NUGGC: variants seen among roughly 807,000 people sequenced by gnomAD.
The protein encoded by NUGGC is nuclear GTPase, germinal center associated.
NUGGC carries 58 observed loss-of-function variants against 92.6 expected under a neutral mutation model. That is an observed-to-expected ratio of 0.63 (90% confidence interval 0.51 to 0.78). The LOEUF (loss-of-function observed/expected upper bound fraction) is 0.78, where lower values mean the gene tolerates loss of function less well. Ranked by LOEUF, NUGGC falls within the 30% of genes least tolerant of loss-of-function variation. The probability of loss-of-function intolerance (pLI) is 0.00; values close to 1 mark genes in which losing one functional copy is unlikely to be tolerated. For missense variants in NUGGC, 925 were observed against 964.6 expected, an observed-to-expected ratio of 0.96 and a Z score of 0.54; for synonymous variants, 376 against 366.4, an observed-to-expected ratio of 1.03 and a Z score of -0.30.
chr8:28,035,303 G>A lies in NUGGC; in HGVS notation c.1612-1606C>T, dbSNP rs114647867. ...AACAAATTACCCCGAACATAGCGGT[G>A]CAGTGGCTTAAAAACAAACAGTAAA... On this transcript the variant is annotated intron_variant, in intron 13 of 18. Coordinates refer to ENST00000413272, the MANE Select transcript of NUGGC (RefSeq NM_001010906.2). 3.0e-3 allele frequency among the ~76,000 whole-genome samples: 451 copies of A among 152,286 alleles called. 10 individuals are homozygous for A. The highest frequency in any genetic ancestry group is 0.01 in the African/African-American group (432 of 41,568).
At chr8:28,072,087 G>A (rs746143030) in intron 2 of NUGGC, among the ~76,000 whole-genome samples, 5 of 152,244 alleles carry the variant, frequency 3.3e-5, no homozygotes, top group Middle Eastern at 3.4e-3. Flanking sequence ...CGCACACCCC[G>A]TAGAATATTC....
At chr8:28,035,098 C>T (rs540632228) in intron 13 of NUGGC, among the ~76,000 whole-genome samples, 9 of 152,236 alleles carry the variant, frequency 5.9e-5, no homozygotes, top group East Asian at 3.9e-4. Flanking sequence ...GTCCTGGAGA[C>T]GCTCGAAAAT....
At chr8:28,042,489 T>C (rs182816260) in intron 12 of NUGGC, among the ~76,000 whole-genome samples, 23 of 152,360 alleles carry the variant, frequency 1.5e-4, no homozygotes, top group Non-Finnish European at 2.2e-4. Flanking sequence ...GCTGATTTCA[T>C]CTTTGTTACT....
At position 28,022,362 on chromosome 8, in the gene NUGGC, G is replaced by A. The variant is rs1232056252; in HGVS notation, c.*955C>T. The A allele has an allele frequency of 6.6e-6, 1 of 151,588 alleles. No homozygotes were observed. Among genetic ancestry groups the A allele is most frequent in the East Asian group, 1.9e-4 (1 of 5,156 alleles). 9.4% of individuals were successfully genotyped at this position (151,588 alleles called of 1,614,324 possible). A position where few individuals can be genotyped will look rare whatever the true frequency, so the allele number is the denominator to read the frequency against. ...TTTAGTAGAGATGGGGTTTCACTGTGTTAGCCAGGATGGTCTCAATCTCCT... is the reference window on the plus strand; with the variant it reads ...TTTAGTAGAGATGGGGTTTCACTGTATTAGCCAGGATGGTCTCAATCTCCT... On this transcript the variant is annotated 3_prime_UTR_variant, in exon 19 of 19. Transcript: ENST00000413272.
At chr8:28,024,169 C>G (rs1421779295) in intron 18 of NUGGC, among the ~76,000 whole-genome samples, 1 of 151,856 alleles carries the variant, frequency 6.6e-6, no homozygotes, top group East Asian at 1.9e-4. Context: ...TACAGGCACC[C>G]ACCACCTCGC....
At position 28,064,585 on chromosome 8, in the gene NUGGC, G is replaced by A. The variant is rs772111643; in HGVS notation, c.858C>T (p.Val286=). ...CTGTGCCTGGGATGTCCACCAGCAC[G>A]ACCCCTTCTGGGATCAGGTCGGATT... ...LPKSDLIPEG[V]VLVDIPGTGD... The change falls in exon 7 of 19, where the codon GTC becomes GTT. Residue 286 remains valine (V), a synonymous_variant. Transcript: ENST00000413272. 1.3e-5 allele frequency: 21 copies of A among 1,613,882 alleles called. No homozygotes were observed. The highest frequency in any genetic ancestry group is 6.7e-5 in the African/African-American group (5 of 74,918).
intron 2 of NUGGC, among the ~76,000 whole-genome samples, chr8:28,073,412 G>C (rs1286785771): frequency 6.6e-6 from 1 of 152,026 alleles, no homozygotes; most frequent in Non-Finnish European, 1.5e-5. Context: ...TGCCTGCTCA[G>C]GCTTGCTTCA....
intron 7 of NUGGC, among the ~76,000 whole-genome samples, chr8:28,063,153 G>A (rs1022624779): frequency 3.9e-5 from 6 of 152,148 alleles, no homozygotes; most frequent in African/African-American, 4.8e-5. Context: ...CAACTGTGTC[G>A]TTCTCCCTGC....
chr8:28,047,418 T>C, intron 11 of NUGGC, 89 bp downstream of exon 11: 1 of 774,456 alleles, frequency 1.3e-6, no homozygotes, highest in South Asian at 1.8e-5. Context: ...ATTGTTTGTG[T>C]GGCACAAAAA....
At chr8:28,055,394 A>T (rs1810106994) in intron 10 of NUGGC, among the ~76,000 whole-genome samples, 1 of 152,126 alleles carries the variant, frequency 6.6e-6, no homozygotes, top group Non-Finnish European at 1.5e-5. Context: ...CCTCCACTGT[A>T]TGGAGAGCCC....
chr8:28,073,944 A>C (rs1395818864), intron 2 of NUGGC, among the ~76,000 whole-genome samples: 1 of 151,986 alleles, frequency 6.6e-6, no homozygotes, highest in African/African-American at 2.4e-5. Flanking sequence ...GACTACAGGC[A>C]CACACCACCA....
chr8:28,050,855 A>G (rs1368960963), intron 10 of NUGGC, among the ~76,000 whole-genome samples: 1 of 152,042 alleles, frequency 6.6e-6, no homozygotes, highest in Non-Finnish European at 1.5e-5. Flanking sequence ...AATCTACCTG[A>G]AATCAGTGAC....
intron 10 of NUGGC, 35 bp downstream of exon 10, chr8:28,055,926 GGGAT>G: frequency 1.7e-6 from 2 of 1,151,128 alleles, no homozygotes; most frequent in Non-Finnish European, 2.5e-6. Flanking sequence ...TCTAGTTGCT[GGGAT>G]ACAGAAAAAC....
Position 28,068,424 on chromosome 8 carries a change from G to T in NUGGC, c.272C>A (p.Ala91Asp). ...GTCCACTGTCGGCTTTTCAATCAAG[G>T]CAAGAAGCCTATTTCTGGATGAATT... is the stretch of plus-strand genomic sequence containing the variant. ...GVKYLINRLL[A>D]LIEKPTVDPI... Residue 91 changes from alanine to aspartate, a missense_variant, in exon 5 of 19, where the codon GCC becomes GAC. Ala to Asp is a moderately radical substitution (Grantham distance 126, BLOSUM62 -2). Coordinates refer to ENST00000413272, the MANE Select transcript of NUGGC (RefSeq NM_001010906.2). 1 of 1,567,374 alleles carries T rather than the reference G, an allele frequency of 6.4e-7. No individual in the cohort carries two copies. Among genetic ancestry groups the T allele is most frequent in the East Asian group, 2.3e-5 (1 of 42,818 alleles).
At chr8:28,048,550 A>T (rs984590519) in intron 10 of NUGGC, among the ~76,000 whole-genome samples, 1 of 152,178 alleles carries the variant, frequency 6.6e-6, no homozygotes, top group Non-Finnish European at 1.5e-5. Context: ...GTAATCATAC[A>T]CATTTTAATG....
chr8:28,027,101 A>C (rs764240361), intron 17 of NUGGC, 49 bp from the exon 18 acceptor site: 2 of 1,436,554 alleles, frequency 1.4e-6, no homozygotes, highest in South Asian at 2.3e-5. Flanking sequence ...GCCCAAGGAA[A>C]AGTGGATCTT....
chr8:28,067,368 T>C lies in NUGGC; in HGVS notation c.711+146A>G, dbSNP rs1810462317. 4.7e-6 allele frequency: 3 copies of C among 633,192 alleles called. No homozygotes were observed. The South Asian group carries it at 6.0e-5, about 13-fold the overall frequency. The allele number at this position is 633,192 out of a possible 1,614,324, so 39.2% of individuals were successfully genotyped here. ...GATAGCCATAAATAATGAGGATAAC[T>C]TGGGCTACGGATACTTCTAATTTGG... On this transcript the variant is annotated intron_variant, in intron 6 of 18. Transcript: ENST00000413272.
In NUGGC at chr8:28,041,166, A is replaced by G. The variant is rs1809688841; in HGVS notation, c.1496T>C (p.Val499Ala). The part of the protein sequence containing the change: ...SVLRRFAEEK[V>A]ELLEKAIAQC... Reference sequence around the variant, plus strand: ...TGCGATGGCCTTCTCCAGCAGCTCAACCTTCTCTTCCGCAAATCTCCGCAG... The same window carrying G: ...TGCGATGGCCTTCTCCAGCAGCTCAGCCTTCTCTTCCGCAAATCTCCGCAG... Residue 499 changes from valine to alanine, a missense_variant, in exon 13 of 19, where the codon GTT (valine) becomes GCT (alanine). Coordinates refer to ENST00000413272, the MANE Select transcript of NUGGC (RefSeq NM_001010906.2). 2.5e-6 allele frequency: 4 copies of G among 1,611,354 alleles called. No homozygotes were observed. Among genetic ancestry groups the G allele is most frequent in the Non-Finnish European group, 3.4e-6 (4 of 1,178,988 alleles).
chr8:28,043,511 T>C (rs1563219018), intron 12 of NUGGC, among the ~76,000 whole-genome samples: 1 of 152,208 alleles, frequency 6.6e-6, no homozygotes, highest in East Asian at 1.9e-4. Flanking sequence ...GACCAATACC[T>C]AAGGCCAAGG....
Sources: gnomAD v4.1 joint callset for allele counts (sites outside exome capture counted in the v4.1 genomes callset) on GRCh38, gnomAD v4.1.1 for gene constraint, MANE v1.5 for transcripts, NCBI Gene and HGNC (gene_info 2026-07-23, HGNC 2026-07-21) for gene names.